KDM4B: variants seen among roughly 807,000 people sequenced by gnomAD.
The protein encoded by KDM4B is lysine demethylase 4B.
Under a neutral mutation model 125.2 loss-of-function variants are expected in KDM4B, and 32 were observed. The ratio of observed to expected loss-of-function variants is 0.26; its 90% CI spans 0.19 to 0.34. The LOEUF is 0.34. KDM4B is among the 10% of genes least tolerant of loss of function. The probability of loss-of-function intolerance (pLI) is 1.00; values close to 1 mark genes in which losing one functional copy is unlikely to be tolerated. For synonymous variants in KDM4B, 721 were observed against 677.9 expected (o/e 1.06, Z -0.99); for missense variants, 1,190 against 1,577.7 (o/e 0.75, Z 4.16).
At position 5,110,660 on chromosome 19, in the gene KDM4B, C is replaced by T. The variant is rs776309320; in HGVS notation, c.957C>T (p.Asp319=). Residue 319 remains aspartate (D), a synonymous_variant, in exon 10 of 23, where the codon GAC becomes GAT. Transcript: ENST00000159111. ...CRKDMVKISM[D]VFVRILQPER... The stretch of plus-strand genomic sequence containing the variant: ...AGGACATGGTCAAGATCTCCATGGA[C>T]GTGTTCGTGCGCATCCTGCAGCCCG... The T allele has an allele frequency of 7.0e-5, 113 of 1,612,930 alleles. No individual in the cohort carries two copies. Among genetic ancestry groups the T allele is most frequent in the Non-Finnish European group, 8.8e-5 (104 of 1,179,898 alleles).
chr19:5,073,538 T>G (rs957361171), intron 7 of KDM4B, among the ~76,000 whole-genome samples: 3 of 152,232 alleles, frequency 2.0e-5, no homozygotes, highest in Admixed American at 2.0e-4. Context: ...AGTTAGCCAC[T>G]GTCCCCTCCC....
intron 1 of KDM4B, among the ~76,000 whole-genome samples, chr19:4,986,840 A>T (rs2034849256): frequency 6.6e-6 from 1 of 152,240 alleles, no homozygotes; most frequent in Admixed American, 6.5e-5. Context: ...GCAGGAGCAG[A>T]GAGGACTGCA....
chr19:5,135,198 GCTCTGGCCATCTCCCCGACCTCCCC>G, intron 14 of KDM4B, 116 bp from the exon 15 acceptor site: 2 of 615,914 alleles, frequency 3.2e-6, no homozygotes, highest in Non-Finnish European at 5.8e-6. Flanking sequence ...GGCCGAGGTG[GCTCTGGCCATCTCCCCGACCTCCCC>G]CTCCAGAGCC....
chr19:4,985,337 TCAG>T (rs899412864), intron 1 of KDM4B, among the ~76,000 whole-genome samples: 1 of 151,824 alleles, frequency 6.6e-6, no homozygotes, highest in Non-Finnish European at 1.5e-5. Context: ...AAAAAAAAAA[TCAG>T]CAATGACAGT....
chr19:5,095,170 G>A (rs2038795176), intron 9 of KDM4B, among the ~76,000 whole-genome samples: 2 of 152,210 alleles, frequency 1.3e-5, no homozygotes, highest in South Asian at 2.1e-4. Flanking sequence ...ACCGTCGGCT[G>A]TAGAACCGCC....
At chr19:5,055,882 A>G (rs912051017) in intron 6 of KDM4B, among the ~76,000 whole-genome samples, 2 of 152,120 alleles carry the variant, frequency 1.3e-5, no homozygotes, top group Admixed American at 6.5e-5. Flanking sequence ...GTTCCCTGTT[A>G]TGAGCATTCT....
chr19:4,990,704 T>C (rs1469075831), intron 1 of KDM4B, among the ~76,000 whole-genome samples: 3 of 152,198 alleles, frequency 2.0e-5, no homozygotes, highest in Non-Finnish European at 2.9e-5. Flanking sequence ...TTGGGGAGAA[T>C]ATTCGATGAG....
At chr19:5,147,574 GTC>G (rs1003492520) in intron 21 of KDM4B, among the ~76,000 whole-genome samples, 2 of 151,912 alleles carry the variant, frequency 1.3e-5, no homozygotes, top group African/African-American at 2.4e-5. Flanking sequence ...GCAAAACCCT[GTC>G]TCTACAAAAA....
At chr19:5,084,311 G>A (rs1208840984) in intron 9 of KDM4B, among the ~76,000 whole-genome samples, 1 of 144,290 alleles carries the variant, frequency 6.9e-6, no homozygotes, top group Admixed American at 7.0e-5. Flanking sequence ...TATATATTAT[G>A]TATAATTTAT....
At chr19:5,110,951 C>G in intron 10 of KDM4B, 133 bp downstream of exon 10, 1 of 683,932 alleles carries the variant, frequency 1.5e-6, no homozygotes, top group Non-Finnish European at 2.4e-6. Flanking sequence ...TATTCCCACC[C>G]CGCCTCCTCT....
intron 11 of KDM4B, among the ~76,000 whole-genome samples, chr19:5,127,047 G>A (rs929298856): frequency 6.6e-6 from 1 of 152,182 alleles, no homozygotes; most frequent in African/African-American, 2.4e-5. Context: ...GAGTGGCCTC[G>A]CCACCAGGCA....
intron 13 of KDM4B, 45 bp downstream of exon 13, chr19:5,132,052 C>G: frequency 6.5e-7 from 1 of 1,528,746 alleles, no homozygotes. Flanking sequence ...CCCTGCTCCG[C>G]GCTCTGCTGC....
At chr19:5,040,047 C>T in intron 4 of KDM4B, 36 bp downstream of exon 4, 4 of 1,575,308 alleles carry the variant, frequency 2.5e-6, no homozygotes, top group Non-Finnish European at 3.5e-6. Flanking sequence ...TGACCCCCGC[C>T]CCCGGGGGCA....
chr19:5,026,160 G>T (rs575414046), intron 2 of KDM4B, among the ~76,000 whole-genome samples: 2 of 145,862 alleles, frequency 1.4e-5, no homozygotes, highest in Non-Finnish European at 3.0e-5. Flanking sequence ...TATAATCCCA[G>T]CACTTTGGGA....
At chr19:5,089,294 TG>T (rs766047469) in intron 9 of KDM4B, among the ~76,000 whole-genome samples, 5 of 152,342 alleles carry the variant, frequency 3.3e-5, no homozygotes, top group Non-Finnish European at 7.3e-5. Flanking sequence ...CCGTCTGCCA[TG>T]GGTTACACAT....
intron 1 of KDM4B, among the ~76,000 whole-genome samples, chr19:5,010,606 G>A (rs993074659): frequency 1.3e-5 from 2 of 152,084 alleles, no homozygotes; most frequent in Non-Finnish European, 2.9e-5. Flanking sequence ...ATTCTTCTGT[G>A]GAGGAAAGCT....
Position 5,142,577 on chromosome 19 carries a change from G to A in KDM4B, c.2551-1390G>A, listed in dbSNP as rs941529987. 1.3e-5 allele frequency among the ~76,000 whole-genome samples: 2 copies of A among 152,082 alleles called. No individual in the cohort carries two copies. The highest frequency in any genetic ancestry group is 4.8e-5 in the African/African-American group (2 of 41,422). Reference sequence around the variant, plus strand: ...GTTTCTCCTGGGCCTGGGCCGAGGGGTGGAGGCCTGTGGGTGACGTGTTCA... The same window carrying A: ...GTTTCTCCTGGGCCTGGGCCGAGGGATGGAGGCCTGTGGGTGACGTGTTCA... On this transcript the variant is annotated intron_variant, in intron 18 of 22. Transcript: ENST00000159111. This position sits in a 1 kb window ranked among gnomAD's most constrained non-coding sequence, Gnocchi z 5.4.
chr19:5,092,734 G>T (rs1267104639), intron 9 of KDM4B, among the ~76,000 whole-genome samples: 1 of 152,202 alleles, frequency 6.6e-6, no homozygotes, highest in Non-Finnish European at 1.5e-5. Context: ...GGGGTCAGCC[G>T]TCAGAGAAGC....
chr19:5,093,846 G>A (rs568251365), intron 9 of KDM4B, among the ~76,000 whole-genome samples: 142 of 152,356 alleles, frequency 9.3e-4, no homozygotes, highest in Middle Eastern at 3.4e-3. Context: ...ACGAACAAGG[G>A]TGGAAGGAGG....
Sources: allele counts gnomAD v4.1 joint callset (sites outside exome capture counted in the v4.1 genomes callset), GRCh38; gene constraint gnomAD v4.1.1; non-coding constraint Gnocchi (gnomAD v3.1); transcripts MANE v1.5; gene names NCBI Gene and HGNC (gene_info 2026-07-23, HGNC 2026-07-21).